The following USP47 variants were observed in gnomAD, a reference collection of about 807,000 sequenced individuals.
The protein encoded by USP47 is ubiquitin specific peptidase 47, also known as ubiquitin carboxyl-terminal hydrolase 47.
A neutral mutation model predicts 165.1 loss-of-function variants in USP47; 35 were observed. The ratio of observed to expected loss-of-function variants is 0.21; its 90% confidence interval spans 0.16 to 0.28. The LOEUF is 0.28. USP47 is among the 10% of genes least tolerant of loss of function. USP47 has a pLI of 1.00. For missense variants in USP47, 1,277 were observed against 1,607.4 expected (o/e 0.79, Z 3.52); for synonymous variants, 531 against 544.5 (o/e 0.98, Z 0.35).
chr11:11,926,374 C>G (rs1417025374), intron 11 of USP47, among the ~76,000 whole-genome samples: 1 of 152,056 alleles, frequency 6.6e-6, no homozygotes, highest in Non-Finnish European at 1.5e-5. Context: ...TAGATGTGTT[C>G]AGATTTTTTA....
intron 4 of USP47, among the ~76,000 whole-genome samples, chr11:11,894,086 T>C (rs1373677408): frequency 6.6e-6 from 1 of 152,166 alleles, no homozygotes; most frequent in Non-Finnish European, 1.5e-5. Flanking sequence ...AATTAAACTG[T>C]TTCCCATTAC....
intron 25 of USP47, 86 bp downstream of exon 25, chr11:11,952,957 A>T (rs931661386): frequency 9.7e-7 from 1 of 1,032,868 alleles, no homozygotes; most frequent in Non-Finnish European, 1.2e-6. Flanking sequence ...TAAACAATAC[A>T]TTCTTCCTGT....
intron 18 of USP47, 51 bp downstream of exon 18, chr11:11,938,423 C>A: frequency 1.5e-6 from 2 of 1,334,358 alleles, no homozygotes; most frequent in Non-Finnish European, 2.1e-6. Context: ...CTGCTATGTA[C>A]AAGACACACT....
At chr11:11,936,694 G>A (rs1170234524) in intron 17 of USP47, among the ~76,000 whole-genome samples, 184 bp downstream of exon 17, 1 of 151,826 alleles carries the variant, frequency 6.6e-6, no homozygotes, top group African/African-American at 2.4e-5. Context: ...TACTTGCAAA[G>A]AGTTGTGTAC....
intron 1 of USP47, among the ~76,000 whole-genome samples, chr11:11,858,990 G>C (rs974939627): frequency 2.1e-4 from 32 of 152,006 alleles, no homozygotes; most frequent in Admixed American, 1.2e-3. Flanking sequence ...TGAGAATTCT[G>C]GTTGTTCTGT....
At chr11:11,893,122 A>C (rs1447311182) in intron 4 of USP47, among the ~76,000 whole-genome samples, 2 of 152,146 alleles carry the variant, frequency 1.3e-5, no homozygotes, top group Admixed American at 6.5e-5. Context: ...GAGCAAGTAA[A>C]ATGGCTTTTT....
Position 11,891,973 on chromosome 11 carries a change from T to C in USP47, c.363T>C (p.Asp121=). 1.2e-6 allele frequency: 2 copies of C among 1,611,800 alleles called. No homozygotes were observed. The highest frequency in any genetic ancestry group is 1.7e-6 in the Non-Finnish European group (2 of 1,179,152). ...TTGAATATGTTGCATTTTAGGAGGA[T>C]TCCAGTGCTGGGGAAGACAGTGTTC... is the stretch of plus-strand genomic sequence containing the variant. ...DGEQPQILLE[D]SSAGEDSVHD... The change falls in exon 4 of 28, where the codon GAT becomes GAC. Residue 121 remains aspartate (D), a synonymous_variant. Coordinates refer to ENST00000527733, the MANE Select transcript of USP47 (RefSeq NM_001282659.2).
At chr11:11,887,187 C>T (rs1851216343) in intron 3 of USP47, among the ~76,000 whole-genome samples, 1 of 152,126 alleles carries the variant, frequency 6.6e-6, no homozygotes, top group African/African-American at 2.4e-5. Flanking sequence ...GGAAAATAGC[C>T]AGCTAGCATC....
rs1854411648 is a variant in USP47 at position 11,928,381 on chromosome 11, C to CA, written c.1387-1052dup. 2.0e-5 allele frequency among the ~76,000 whole-genome samples: 3 copies of CA among 151,978 alleles called. No homozygotes were observed. In the South Asian group the frequency reaches 6.2e-4, roughly 32 times the overall value. On this transcript the variant is annotated intron_variant, in intron 11 of 27. Coordinates refer to ENST00000527733, the MANE Select transcript of USP47 (RefSeq NM_001282659.2). ...AAATTTGAACCACAAAACAAGTTTTCAGACATTTTCAAAATTTGTTCTAGA... is the reference window on the plus strand; with the variant it reads ...AAATTTGAACCACAAAACAAGTTTTCAAGACATTTTCAAAATTTGTTCTAGA...
chr11:11,913,765 AT>A (rs974770340), intron 8 of USP47, among the ~76,000 whole-genome samples: 3 of 152,138 alleles, frequency 2.0e-5, no homozygotes, highest in Non-Finnish European at 2.9e-5. Context: ...AGAATAGAAG[AT>A]TTTAAATGTT....
In USP47 at chr11:11,920,478, T is replaced by C. The variant is rs777537721; in HGVS notation, c.1202T>C (p.Ile401Thr). The C allele has an allele frequency of 1.2e-6, 2 of 1,606,094 alleles. No individual in the cohort carries two copies. Among genetic ancestry groups the C allele is most frequent in the Non-Finnish European group, 1.7e-6 (2 of 1,176,766 alleles). The change falls in exon 10 of 28, where the codon ATT becomes ACT. Residue 401 changes from isoleucine to threonine, a missense_variant. Transcript: ENST00000527733. ...GAGGAACTAGATATGAGTACTTTTA[T>C]TGATGTTGAAGATGAGGTAAATATT... is the stretch of plus-strand genomic sequence containing the variant. ...FPEELDMSTF[I>T]DVEDEKSPQT...
chr11:11,928,896 T>TA (rs1854449117), intron 11 of USP47, among the ~76,000 whole-genome samples: 1 of 151,610 alleles, frequency 6.6e-6, no homozygotes, highest in Non-Finnish European at 1.5e-5. Flanking sequence ...AAAGAAATAA[T>TA]ATTAATTTAT....
At chr11:11,913,538 T>C (rs1853175820) in intron 8 of USP47, among the ~76,000 whole-genome samples, 1 of 151,952 alleles carries the variant, frequency 6.6e-6, no homozygotes, top group Non-Finnish European at 1.5e-5. Context: ...TGTTCTCATT[T>C]ACATGTGGGA....
intron 8 of USP47, among the ~76,000 whole-genome samples, chr11:11,909,369 C>A (rs1308650822): frequency 6.6e-6 from 1 of 152,020 alleles, no homozygotes; most frequent in Non-Finnish European, 1.5e-5. Context: ...TGCTTATTGC[C>A]AACCCCATGT....
At chr11:11,950,658 T>G (rs1040136298) in intron 24 of USP47, among the ~76,000 whole-genome samples, 176 bp downstream of exon 24, 3 of 152,144 alleles carry the variant, frequency 2.0e-5, no homozygotes, top group Admixed American at 2.0e-4. Flanking sequence ...CCTACCTACG[T>G]CTTATCCTTG....
At chr11:11,850,009 A>G (rs1404634869) in intron 1 of USP47, among the ~76,000 whole-genome samples, 4 of 152,132 alleles carry the variant, frequency 2.6e-5, no homozygotes, top group African/African-American at 4.8e-5. Flanking sequence ...CTTTTCAACT[A>G]TTTTGAAACT....
At chr11:11,871,080 T>TGCTTTTAAGCTTTTAA (rs1850006343) in intron 1 of USP47, among the ~76,000 whole-genome samples, 1 of 152,190 alleles carries the variant, frequency 6.6e-6, no homozygotes, top group Admixed American at 6.5e-5. Flanking sequence ...TTTTGAGTTT[T>TGCTTTTAAGCTTTTAA]GCTTTTAAGC....
intron 1 of USP47, among the ~76,000 whole-genome samples, chr11:11,875,901 CCATTTTTA>C (rs1194547396): frequency 5.9e-5 from 9 of 152,158 alleles, no homozygotes; most frequent in African/African-American, 2.2e-4. Flanking sequence ...CCTCACCTGG[CCATTTTTA>C]CTTTTTTAAA....
At chr11:11,952,957 A>G (rs931661386) in intron 25 of USP47, 86 bp downstream of exon 25, 14 of 1,032,756 alleles carry the variant, frequency 1.4e-5, no homozygotes, top group Non-Finnish European at 1.7e-5. Flanking sequence ...TAAACAATAC[A>G]TTCTTCCTGT....
Sources: gnomAD v4.1 joint callset for allele counts (sites outside exome capture counted in the v4.1 genomes callset) on GRCh38, gnomAD v4.1.1 for gene constraint, MANE v1.5 for transcripts, NCBI Gene and HGNC (gene_info 2026-07-23, HGNC 2026-07-21) for gene names.